The following WDR70 variants were observed in gnomAD, a reference collection of about 807,000 sequenced individuals.
The protein encoded by WDR70 is WD repeat domain 70, also known as WD repeat-containing protein 70.
WDR70 carries 53 observed loss-of-function variants against 88.6 expected under a neutral mutation model. The ratio of observed to expected loss-of-function variants is 0.60; its 90% CI spans 0.48 to 0.75. The LOEUF (loss-of-function observed/expected upper bound fraction) is 0.75, where lower values mean the gene tolerates loss of function less well. Ranked by LOEUF, WDR70 falls within the 30% of genes least tolerant of loss-of-function variation. The pLI, the probability that WDR70 is intolerant of heterozygous loss-of-function variation, is 0.00. For synonymous variants in WDR70, 280 were observed against 270.0 expected, an observed-to-expected ratio of 1.04 and a Z score of -0.36; for missense variants, 610 against 823.2, an observed-to-expected ratio of 0.74 and a Z score of 3.17.
intron 8 of WDR70, among the ~76,000 whole-genome samples, chr5:37,487,904 A>G (rs1021838073): frequency 6.6e-5 from 10 of 151,944 alleles, no homozygotes; most frequent in South Asian, 2.1e-4. Flanking sequence ...GATTACAGGC[A>G]TGAGCCACCG....
At chr5:37,534,767 T>C (rs922427572) in intron 9 of WDR70, among the ~76,000 whole-genome samples, 1 of 152,096 alleles carries the variant, frequency 6.6e-6, no homozygotes, top group Non-Finnish European at 1.5e-5. Flanking sequence ...GCATGAGCCA[T>C]CGCACCTGGC....
chr5:37,446,945 C>A (rs1288205327), intron 7 of WDR70, among the ~76,000 whole-genome samples: 2 of 152,150 alleles, frequency 1.3e-5, no homozygotes, highest in African/African-American at 2.4e-5. Flanking sequence ...CAAATGGGAT[C>A]TAATTAAACT....
intron 17 of WDR70, among the ~76,000 whole-genome samples, chr5:37,729,996 T>A (rs1428650890): frequency 6.6e-6 from 1 of 152,178 alleles, no homozygotes; most frequent in African/African-American, 2.4e-5. Context: ...TCTTCTTACA[T>A]CCCCGTATTT....
At chr5:37,552,690 A>G (rs1205362617) in intron 9 of WDR70, among the ~76,000 whole-genome samples, 12 of 152,100 alleles carry the variant, frequency 7.9e-5, no homozygotes, top group Admixed American at 2.6e-4. Context: ...AGAGCTGAAA[A>G]TTTTTCTTCA....
intron 10 of WDR70, among the ~76,000 whole-genome samples, chr5:37,613,962 C>A (rs1744259738): frequency 6.6e-6 from 1 of 152,222 alleles, no homozygotes; most frequent in Admixed American, 6.5e-5. Flanking sequence ...ATCTAGCCCA[C>A]TACCTGTTTT....
At chr5:37,505,589 T>G in intron 8 of WDR70, 1 of 692,194 alleles carries the variant, frequency 1.4e-6, no homozygotes, top group Admixed American at 2.2e-5. Context: ...AAAATTTCCT[T>G]ACAGTGTTAC....
chr5:37,514,456 GTC>G (rs1387181601), intron 8 of WDR70, among the ~76,000 whole-genome samples: 1 of 148,944 alleles, frequency 6.7e-6, no homozygotes, highest in Non-Finnish European at 1.5e-5. Flanking sequence ...GTAAATGTGT[GTC>G]ATGGTGATTT....
chr5:37,442,447 T>G (rs1168777389), intron 6 of WDR70, among the ~76,000 whole-genome samples: 1 of 152,004 alleles, frequency 6.6e-6, no homozygotes, highest in East Asian at 1.9e-4. Flanking sequence ...CAAGCAATTT[T>G]TGTGCCTCAG....
intron 13 of WDR70, among the ~76,000 whole-genome samples, chr5:37,718,082 AT>A (rs1180063149): frequency 6.6e-6 from 1 of 152,106 alleles, no homozygotes; most frequent in Non-Finnish European, 1.5e-5. Flanking sequence ...AAGGGGTCTT[AT>A]TTGCCTCTCC....
intron 10 of WDR70, among the ~76,000 whole-genome samples, chr5:37,671,407 G>C (rs946768095): frequency 2.0e-5 from 3 of 151,816 alleles, no homozygotes; most frequent in Non-Finnish European, 4.4e-5. Context: ...TTTTGTGAGT[G>C]GGGGAGAAGG....
At chr5:37,426,973 G>A (rs10037598) in intron 5 of WDR70, among the ~76,000 whole-genome samples, 2,023 of 152,062 alleles carry the variant, frequency 0.013, 42 homozygotes, top group African/African-American at 0.046. Flanking sequence ...ATGGGGTTTC[G>A]CTGTATTGCC....
intron 5 of WDR70, among the ~76,000 whole-genome samples, chr5:37,427,259 G>A (rs1178757046): frequency 2.0e-5 from 3 of 151,780 alleles, no homozygotes; most frequent in African/African-American, 7.3e-5. Flanking sequence ...CGTGGTGGCG[G>A]GCGCCTGTAA....
chr5:37,554,108 C>CT (rs75489460), intron 9 of WDR70, among the ~76,000 whole-genome samples: 6,811 of 134,408 alleles, frequency 0.051, 411 homozygotes, highest in African/African-American at 0.14. Context: ...TGCAATACTC[C>CT]TTTTTTTTTT....
At chr5:37,525,143 C>T (rs1370712677) in intron 9 of WDR70, among the ~76,000 whole-genome samples, 1 of 152,212 alleles carries the variant, frequency 6.6e-6, no homozygotes, top group Admixed American at 6.5e-5. Context: ...TAGACATCTA[C>T]AGAACTCTCC....
At chr5:37,579,582 CAAAAAAAAAAAAA>C (rs201135421) in intron 9 of WDR70, among the ~76,000 whole-genome samples, 13 of 82,732 alleles carry the variant, frequency 1.6e-4, no homozygotes, top group Admixed American at 2.9e-4. Flanking sequence ...GACTCTGTCT[CAAAAAAAAAAAAA>C]AAAAAAAAAA....
intron 10 of WDR70, among the ~76,000 whole-genome samples, chr5:37,634,314 A>C (rs918383796): frequency 6.6e-6 from 1 of 151,552 alleles, no homozygotes; most frequent in African/African-American, 2.4e-5. Flanking sequence ...AAAAAAAAGA[A>C]AAAAAAGAAA....
intron 7 of WDR70, among the ~76,000 whole-genome samples, chr5:37,449,838 T>A (rs2112075759): frequency 6.6e-6 from 1 of 152,242 alleles, no homozygotes; most frequent in East Asian, 1.9e-4. Context: ...CATGATGGTT[T>A]GCTGTACCCA....
intron 8 of WDR70, among the ~76,000 whole-genome samples, chr5:37,487,681 A>C (rs1425650454): frequency 6.5e-5 from 9 of 139,530 alleles, no homozygotes; most frequent in Non-Finnish European, 1.2e-4. Flanking sequence ...GCTAGAGTGC[A>C]GTGGTGCGAT....
At chr5:37,719,751 G>A (rs562791601) in intron 13 of WDR70, among the ~76,000 whole-genome samples, 1 of 151,300 alleles carries the variant, frequency 6.6e-6, no homozygotes, top group Non-Finnish European at 1.5e-5. Context: ...AGGGTTTGCA[G>A]CCATTTACCT....
Sources: allele counts gnomAD v4.1 joint callset (sites outside exome capture counted in the v4.1 genomes callset), GRCh38; gene constraint gnomAD v4.1.1; transcripts MANE v1.5; gene names NCBI Gene and HGNC (gene_info 2026-07-23, HGNC 2026-07-21).